The following ATP10B variants were observed in gnomAD, a reference collection of about 807,000 sequenced individuals.
The protein encoded by ATP10B is phospholipid-transporting ATPase VB.
In ATP10B, 122 loss-of-function variants were observed where a neutral mutation model predicts 141.2. The ratio of observed to expected loss-of-function variants is 0.86; its 90% CI spans 0.75 to 1.00. ATP10B has a LOEUF of 1.00. Among genes scored for constraint, ATP10B ranks in the 50% least tolerant of loss-of-function variants. The probability of loss-of-function intolerance (pLI) is 0.00; values close to 1 mark genes in which losing one functional copy is unlikely to be tolerated. For synonymous variants in ATP10B, 685 were observed against 692.0 expected (o/e 0.99, Z 0.16); for missense variants, 1,876 against 1,825.3 (o/e 1.03, Z -0.51).
intron 11 of ATP10B, 107 bp from the exon 12 acceptor site, chr5:160,634,713 A>C: frequency 8.5e-7 from 1 of 1,183,132 alleles, no homozygotes; most frequent in Non-Finnish European, 1.2e-6. Flanking sequence ...AGGTCAGCTC[A>C]CAGGACAGAC....
chr5:160,819,083 G>A (rs774670464), intron 1 of ATP10B, among the ~76,000 whole-genome samples: 2 of 152,184 alleles, frequency 1.3e-5, no homozygotes, highest in East Asian at 3.9e-4. Context: ...CACCAACATG[G>A]CACGTGTATA....
At chr5:160,752,356 T>C (rs1172993167) in intron 2 of ATP10B, among the ~76,000 whole-genome samples, 2 of 152,156 alleles carry the variant, frequency 1.3e-5, no homozygotes, top group Non-Finnish European at 1.5e-5. Context: ...AAGCAGCTTG[T>C]GACAGGCTTA....
chr5:160,791,221 C>A (rs1358346598), intron 1 of ATP10B, among the ~76,000 whole-genome samples: 3 of 152,160 alleles, frequency 2.0e-5, no homozygotes, highest in Non-Finnish European at 4.4e-5. Flanking sequence ...AGGACCCATG[C>A]TGGACTTCTG....
chr5:160,917,267 T>TAC, the ATP10B span, among the ~76,000 whole-genome samples: 6 of 99,464 alleles, frequency 6.0e-5, no homozygotes, highest in South Asian at 1.8e-3. Flanking sequence ...TCTAGGGTAC[T>TAC]TCTTTTTTTT....
the ATP10B span, among the ~76,000 whole-genome samples, chr5:160,890,608 A>G: frequency 2.4e-3 from 372 of 152,364 alleles, 1 homozygote; most frequent in African/African-American, 7.5e-3. Context: ...AGCAGGCATC[A>G]GAACTTTATT....
chr5:160,597,267 C>G (rs1330349094), intron 22 of ATP10B, among the ~76,000 whole-genome samples: 3 of 152,194 alleles, frequency 2.0e-5, no homozygotes, highest in African/African-American at 7.2e-5. Flanking sequence ...TGATCTTTGA[C>G]AAACCTGACA....
In ATP10B at chr5:160,632,149, C is replaced by T. The variant is rs778283266; in HGVS notation, c.1600G>A (p.Val534Met). 1 of 1,613,854 alleles carries T rather than the reference C, an allele frequency of 6.2e-7. No homozygotes were observed. Among genetic ancestry groups the T allele is most frequent in the Admixed American group, 1.7e-5 (1 of 60,022 alleles). The change falls in exon 13 of 26, where the codon GTG becomes ATG. Residue 534 changes from valine to methionine, a missense_variant. Val to Met is a conservative substitution (Grantham distance 21). Coordinates refer to ENST00000327245, the MANE Select transcript of ATP10B (RefSeq NM_025153.3). ...CTTACTATGGAGCTGCTGAAGGCCA[C>T]AGGAGGCTGTGAGCTTTCACGGTGC... ...MGHRESSQPP[V>M]AFSSSIEKDV...
At chr5:160,917,691 C>T in the ATP10B span, among the ~76,000 whole-genome samples, 2 of 152,142 alleles carry the variant, frequency 1.3e-5, no homozygotes, top group Admixed American at 6.5e-5. Flanking sequence ...CTCTGCCAGG[C>T]CCCCAGATTC....
chr5:160,755,392 G>A (rs7737069), intron 2 of ATP10B, among the ~76,000 whole-genome samples: 90,203 of 152,020 alleles, frequency 0.59, 27,381 homozygotes, highest in African/African-American at 0.71. Context: ...AGACAATTTC[G>A]TTGTCGTGTG....
chr5:160,741,180 G>A (rs559403310), intron 2 of ATP10B, among the ~76,000 whole-genome samples: 2 of 152,260 alleles, frequency 1.3e-5, no homozygotes, highest in South Asian at 4.1e-4. Context: ...ATCACTGGCT[G>A]TCAGCTTCTG....
the ATP10B span, among the ~76,000 whole-genome samples, chr5:160,904,012 C>A: frequency 6.6e-6 from 1 of 152,108 alleles, no homozygotes; most frequent in Non-Finnish European, 1.5e-5. Context: ...GTACTGATGG[C>A]GTCAGCAGTA....
intron 9 of ATP10B, among the ~76,000 whole-genome samples, chr5:160,641,243 C>T (rs999329832): frequency 2.0e-5 from 3 of 152,180 alleles, no homozygotes; most frequent in African/African-American, 7.2e-5. Context: ...GAGTTTTAGG[C>T]TGGGGAACTG....
intron 2 of ATP10B, among the ~76,000 whole-genome samples, chr5:160,743,617 A>G (rs1441656803): frequency 6.6e-6 from 1 of 152,228 alleles, no homozygotes; most frequent in Non-Finnish European, 1.5e-5. Flanking sequence ...ACAAACCACT[A>G]TGATCTTGGT....
chr5:160,828,596 T>G (rs1048984748), intron 1 of ATP10B, among the ~76,000 whole-genome samples: 5 of 151,474 alleles, frequency 3.3e-5, no homozygotes, highest in Non-Finnish European at 5.9e-5. Context: ...GGAACACTTT[T>G]ACACTGTTGG....
In ATP10B at chr5:160,620,961, A is replaced by G. The variant is rs775919669; in HGVS notation, c.1813-11T>C. ...GGGTTTGATGGTGACCTTGTGGCCA[A>G]AGAAGGAAAGTGGAATATTACTCTC... On this transcript the variant is annotated splice_polypyrimidine_tract_variant and intron_variant, in intron 14 of 25. Coordinates refer to ENST00000327245, the MANE Select transcript of ATP10B (RefSeq NM_025153.3). 1 of 1,600,266 alleles carries G rather than the reference A, an allele frequency of 6.2e-7. No individual in the cohort carries two copies. Among genetic ancestry groups the G allele is most frequent in the Non-Finnish European group, 8.5e-7 (1 of 1,172,864 alleles).
At chr5:160,901,823 A>G in the ATP10B span, among the ~76,000 whole-genome samples, 1 of 152,204 alleles carries the variant, frequency 6.6e-6, no homozygotes, top group East Asian at 1.9e-4. Flanking sequence ...AAGTTGTTGA[A>G]CTTTGTTCAG....
chr5:160,748,954 A>G (rs1240025582), intron 2 of ATP10B, among the ~76,000 whole-genome samples: 1 of 152,192 alleles, frequency 6.6e-6, no homozygotes, highest in Non-Finnish European at 1.5e-5. Flanking sequence ...TCTAATATTC[A>G]TAGTAATGTT....
At chr5:160,832,909 A>T (rs954995172) in intron 1 of ATP10B, among the ~76,000 whole-genome samples, 16 of 152,090 alleles carry the variant, frequency 1.1e-4, no homozygotes, top group African/African-American at 3.1e-4. Context: ...GACACATTAG[A>T]ATCCTGGGCA....
chr5:160,694,143 G>C (rs1476161799), intron 3 of ATP10B, among the ~76,000 whole-genome samples: 1 of 152,208 alleles, frequency 6.6e-6, no homozygotes, highest in East Asian at 1.9e-4. Context: ...ACCGAAACTG[G>C]GGGCTAGAGG....
Sources: allele counts gnomAD v4.1 joint callset (sites outside exome capture counted in the v4.1 genomes callset), GRCh38; gene constraint gnomAD v4.1.1; transcripts MANE v1.5; gene names NCBI Gene and HGNC (gene_info 2026-07-23, HGNC 2026-07-21).